Variants in RELN observed in about 807,000 individuals in gnomAD.
The protein encoded by RELN is reelin.
RELN carries 108 observed loss-of-function variants against 427.6 expected under a neutral mutation model. That is an observed-to-expected ratio of 0.25 (90% CI 0.22 to 0.30). RELN has a LOEUF of 0.30. RELN is among the 10% of genes least tolerant of loss of function. The pLI is 1.00. For synonymous variants in RELN, 1,524 were observed against 1,513.4 expected, an observed-to-expected ratio of 1.01 and a Z score of -0.16; for missense variants, 3,715 against 4,302.8, an observed-to-expected ratio of 0.86 and a Z score of 3.82.
Position 103,515,439 on chromosome 7 carries a change from A to C in RELN, c.7865T>G (p.Phe2622Cys). 6.2e-7 allele frequency: 1 copy of C among 1,614,028 alleles called. No homozygotes were observed. Among genetic ancestry groups the C allele is most frequent in the Non-Finnish European group, 8.5e-7 (1 of 1,180,024 alleles). ...IFYDQYSKPG[F>C]VNILLPPDAK... ...ATCAGGAGGGAGAAGGATATTCACAAATCTATAGGAAAATGATGGGGAAGG... is the reference window on the plus strand; with the variant it reads ...ATCAGGAGGGAGAAGGATATTCACACATCTATAGGAAAATGATGGGGAAGG... Residue 2622 changes from phenylalanine to cysteine, a missense_variant and splice_region_variant, in exon 50 of 65, where the codon TTT becomes TGT. Around this residue, in one of 4 missense-constraint regions of RELN, gnomAD observed 1,310 missense variants for 1,643.0 expected, o/e 0.80. Transcript: ENST00000428762.
chr7:103,978,469 C>A (rs1281604485), intron 1 of RELN, among the ~76,000 whole-genome samples: 1 of 152,144 alleles, frequency 6.6e-6, no homozygotes, highest in Non-Finnish European at 1.5e-5. Context: ...AAGCACACAC[C>A]TCGTTCAGTA....
At chr7:103,952,550 CTCTT>C (rs1392538921) in intron 1 of RELN, among the ~76,000 whole-genome samples, 2 of 145,014 alleles carry the variant, frequency 1.4e-5, no homozygotes, top group Non-Finnish European at 3.0e-5. Flanking sequence ...CATACTCTCA[CTCTT>C]TCTCTCTCTC....
chr7:103,477,296 A>C (rs1012750416), intron 64 of RELN, among the ~76,000 whole-genome samples: 2 of 152,228 alleles, frequency 1.3e-5, no homozygotes, highest in African/African-American at 4.8e-5. Context: ...ATTATGATGA[A>C]AACAATTCAA....
chr7:103,528,669 C>T (rs1308455449), intron 46 of RELN, among the ~76,000 whole-genome samples: 1 of 151,972 alleles, frequency 6.6e-6, no homozygotes, highest in Non-Finnish European at 1.5e-5. Flanking sequence ...ACTGGGATTA[C>T]AGGCATGCAC....
intron 6 of RELN, among the ~76,000 whole-genome samples, chr7:103,739,111 ATCC>A (rs1790573044): frequency 6.6e-6 from 1 of 152,190 alleles, no homozygotes; most frequent in Non-Finnish European, 1.5e-5. Flanking sequence ...TGGTGTATCC[ATCC>A]TCCTGTTGAT....
intron 2 of RELN, among the ~76,000 whole-genome samples, chr7:103,882,856 G>A (rs1056720617): frequency 1.3e-5 from 2 of 152,094 alleles, no homozygotes; most frequent in South Asian, 4.2e-4. Context: ...TCTACCAGAG[G>A]TATAAAGAGG....
rs372390014 is a variant in RELN at position 103,896,752 on chromosome 7, A to G, written c.337+20323T>C. The stretch of plus-strand genomic sequence containing the variant: ...ATATCATTGGATACAAACTTTACAA[A>G]CATGGTATTTGCTGTAAAATTTTTT... On this transcript the variant is annotated intron_variant, in intron 2 of 64. Coordinates refer to ENST00000428762, the MANE Select transcript of RELN (RefSeq NM_005045.4). Among the ~76,000 whole-genome samples, 13 of 152,154 alleles carry G rather than the reference A, an allele frequency of 8.5e-5. No individual in the cohort carries two copies. In the East Asian group the frequency reaches 2.5e-3, roughly 29 times the overall value.
chr7:103,664,519 A>G lies in RELN; in HGVS notation c.1290-2992T>C, dbSNP rs76429755. Reference sequence around the variant, plus strand: ...CTGCTGAGAAAGGCTGGTAGAGTATATATCTAGAAGTGGAGTTGCTGGGCA... The same window carrying G: ...CTGCTGAGAAAGGCTGGTAGAGTATGTATCTAGAAGTGGAGTTGCTGGGCA... On this transcript the variant is annotated intron_variant, in intron 11 of 64. Transcript: ENST00000428762. Among the ~76,000 whole-genome samples the G allele has an allele frequency of 5.9e-5, 9 of 152,212 alleles. No homozygotes were observed. The East Asian group carries it at 7.7e-4, about 13-fold the overall frequency.
At position 103,593,615 on chromosome 7, in the gene RELN, C is replaced by G. The variant is rs1479765088; in HGVS notation, c.3912+67G>C. The G allele has an allele frequency of 2.2e-6, 3 of 1,350,414 alleles. No individual in the cohort carries two copies. The African/African-American group carries it at 4.3e-5, about 19-fold the overall frequency. 83.7% of individuals were successfully genotyped at this position (1,350,414 alleles called of 1,614,324 possible). A position where few individuals can be genotyped will look rare whatever the true frequency, so the allele number is the denominator to read the frequency against. ...GAAAAATTTGTGTTCTTTGTGAGTTCCACTTATACATCTGGAAGATATTTT... is the reference window on the plus strand; with the variant it reads ...GAAAAATTTGTGTTCTTTGTGAGTTGCACTTATACATCTGGAAGATATTTT... On this transcript the variant is annotated intron_variant, in intron 27 of 64. Transcript: ENST00000428762.
intron 6 of RELN, among the ~76,000 whole-genome samples, chr7:103,742,876 G>A (rs1409494604): frequency 6.6e-6 from 1 of 152,080 alleles, no homozygotes; most frequent in Non-Finnish European, 1.5e-5. Flanking sequence ...AATCTAGCAA[G>A]GCAGGCCAAC....
chr7:103,898,996 T>C (rs1795021792), intron 2 of RELN, among the ~76,000 whole-genome samples: 1 of 151,900 alleles, frequency 6.6e-6, no homozygotes, highest in African/African-American at 2.4e-5. Flanking sequence ...AAACGGTGCT[T>C]CCCAAACTGT....
At position 103,970,441 on chromosome 7, in the gene RELN, G is replaced by A. The variant is rs114476131; in HGVS notation, c.226+18690C>T. 7.7e-3 allele frequency among the ~76,000 whole-genome samples: 1,170 copies of A among 152,046 alleles called. 16 individuals carry two copies. The highest frequency in any genetic ancestry group is 0.026 in the African/African-American group (1,082 of 41,482). On this transcript the variant is annotated intron_variant, in intron 1 of 64. Transcript: ENST00000428762. ...ATTACAGGCATGAGCCACCACTCCC[G>A]GCCTCTCATTATTTATTTAGTGCTA...
intron 45 of RELN, among the ~76,000 whole-genome samples, chr7:103,536,304 T>C (rs1448831653): frequency 6.6e-6 from 1 of 152,208 alleles, no homozygotes; most frequent in Non-Finnish European, 1.5e-5. Flanking sequence ...ATTCAACCCA[T>C]ACCCCCTGTC....
At chr7:103,801,174 G>A (rs1427166451) in intron 3 of RELN, among the ~76,000 whole-genome samples, 3 of 152,128 alleles carry the variant, frequency 2.0e-5, no homozygotes, top group Admixed American at 6.6e-5. Flanking sequence ...ACAGTGTGAC[G>A]ATTCCTCAAG....
intron 13 of RELN, among the ~76,000 whole-genome samples, chr7:103,653,261 G>A (rs3808023): frequency 0.035 from 5,394 of 152,030 alleles, 149 homozygotes; most frequent in East Asian, 0.14. Flanking sequence ...AGATGACCAC[G>A]GCAGGTATAG....
At chr7:103,623,163 C>G (rs1240733348) in intron 20 of RELN, among the ~76,000 whole-genome samples, 2 of 152,150 alleles carry the variant, frequency 1.3e-5, no homozygotes, top group Non-Finnish European at 2.9e-5. Context: ...TTTCCATTTG[C>G]CACTCAATGT....
rs1356318108 is a variant in RELN, at chr7:103,909,809, T to C, written c.337+7266A>G. Among the ~76,000 whole-genome samples, 4 of 52,940 alleles carry C rather than the reference T, an allele frequency of 7.6e-5. No homozygotes were observed. In the South Asian group the frequency reaches 2.3e-3, roughly 30 times the overall value. The allele number at this position is 52,940 out of a possible 152,430, so 34.7% of individuals were successfully genotyped here. A position where few individuals can be genotyped will look rare whatever the true frequency, so the allele number is the denominator to read the frequency against. On this transcript the variant is annotated intron_variant, in intron 2 of 64. Transcript: ENST00000428762. ...TATATATTAAATATATATTAATATA[T>C]AATATTATATATAAAATATATATAT...
In RELN at chr7:103,824,808, A is replaced by T. The variant is rs913092653; in HGVS notation, c.473+8729T>A. ...GTGTCTGAAATTGTACCACAGAAAC[A>T]AATATTTTGTTTATGTCACTTAATA... On this transcript the variant is annotated intron_variant, in intron 3 of 64. Transcript: ENST00000428762. The surrounding 1 kb of genome is among the most constrained non-coding windows in gnomAD (Gnocchi z 4.4). Among the ~76,000 whole-genome samples the T allele has an allele frequency of 1.3e-5, 2 of 152,042 alleles. No individual in the cohort carries two copies. The highest frequency in any genetic ancestry group is 2.9e-5 in the Non-Finnish European group (2 of 67,986).
intron 1 of RELN, among the ~76,000 whole-genome samples, chr7:103,976,994 C>T (rs1363131824): frequency 6.6e-6 from 1 of 151,816 alleles, no homozygotes; most frequent in Non-Finnish European, 1.5e-5. Flanking sequence ...CTTTGATATT[C>T]CCTCGCAGGT....
Sources: allele counts gnomAD v4.1 joint callset (sites outside exome capture counted in the v4.1 genomes callset), GRCh38; gene constraint gnomAD v4.1.1; regional missense constraint gnomAD v4.1.1; non-coding constraint Gnocchi (gnomAD v3.1); transcripts MANE v1.5; gene names NCBI Gene and HGNC (gene_info 2026-07-23, HGNC 2026-07-21).